The following CHCHD6 variants were observed in gnomAD, a reference collection of about 807,000 sequenced individuals.
CHCHD6 encodes MICOS complex subunit MIC25.
Under a neutral mutation model 32.3 loss-of-function variants are expected in CHCHD6, and 28 were observed. That is an observed-to-expected ratio of 0.87 (90% CI 0.64 to 1.19). CHCHD6 has a LOEUF of 1.19. Among genes scored for constraint, CHCHD6 ranks in the 50% most tolerant of loss-of-function variants. The pLI is 0.00. For synonymous variants in CHCHD6, 122 were observed against 117.5 expected (o/e 1.04, Z -0.25); for missense variants, 333 against 307.0 (o/e 1.08, Z -0.63).
intron 4 of CHCHD6, among the ~76,000 whole-genome samples, chr3:126,796,964 C>G (rs1457189450): frequency 6.6e-6 from 1 of 152,188 alleles, no homozygotes; most frequent in African/African-American, 2.4e-5. Flanking sequence ...TTTAGGAAAG[C>G]TGGCCCACCA....
intron 5 of CHCHD6, among the ~76,000 whole-genome samples, chr3:126,862,219 A>ACCT (rs1265952459): frequency 1.0e-3 from 83 of 82,978 alleles, no homozygotes; most frequent in African/African-American, 1.7e-3. Flanking sequence ...CATCATCACC[A>ACCT]CCTCCTCCTC....
chr3:126,883,234 C>T (rs552840190), intron 5 of CHCHD6, among the ~76,000 whole-genome samples: 17 of 152,250 alleles, frequency 1.1e-4, no homozygotes, highest in Admixed American at 2.0e-4. Flanking sequence ...TGTGTTTCCC[C>T]GAGTTCTGTG....
chr3:126,784,948 T>A (rs1938126181), intron 4 of CHCHD6, among the ~76,000 whole-genome samples: 2 of 152,180 alleles, frequency 1.3e-5, no homozygotes, highest in Non-Finnish European at 2.9e-5. Context: ...AAGTACTTTA[T>A]GTATTTATTT....
rs73199902 is a variant in CHCHD6 at position 126,739,281 on chromosome 3, A to G, written c.411+6059A>G. On this transcript the variant is annotated intron_variant, in intron 4 of 7. Transcript: ENST00000290913. ...GATCAGAGGTTGACAAACATTTTCT[A>G]TAAAGAGCCAGATAGTAAATATTTT... 9.1e-3 allele frequency among the ~76,000 whole-genome samples: 1,392 copies of G among 152,326 alleles called. 11 individuals are homozygous for G. Among genetic ancestry groups the G allele is most frequent in the Middle Eastern group, 0.017 (5 of 294 alleles).
At chr3:126,844,720 G>A (rs765664588) in intron 4 of CHCHD6, among the ~76,000 whole-genome samples, 1 of 152,272 alleles carries the variant, frequency 6.6e-6, no homozygotes, top group Middle Eastern at 3.4e-3. Context: ...GCCTGTGCAT[G>A]TTTTCTCTCA....
chr3:126,853,981 C>T (rs1255095138), intron 5 of CHCHD6, among the ~76,000 whole-genome samples: 2 of 152,206 alleles, frequency 1.3e-5, no homozygotes, highest in African/African-American at 2.4e-5. Flanking sequence ...CTCCTTTGTG[C>T]TCCCCATGTT....
intron 4 of CHCHD6, among the ~76,000 whole-genome samples, chr3:126,735,180 G>A (rs1935989606): frequency 6.6e-6 from 1 of 152,166 alleles, no homozygotes; most frequent in Non-Finnish European, 1.5e-5. Flanking sequence ...TCTAGAGGTG[G>A]AAGATTACAA....
At chr3:126,955,987 C>T (rs1376473803) in intron 6 of CHCHD6, among the ~76,000 whole-genome samples, 6 of 152,312 alleles carry the variant, frequency 3.9e-5, no homozygotes, top group Non-Finnish European at 5.9e-5. Context: ...AGTGTCCACC[C>T]GCAGACTTCC....
chr3:126,913,867 T>C (rs1396214987), intron 5 of CHCHD6, among the ~76,000 whole-genome samples: 1 of 152,210 alleles, frequency 6.6e-6, no homozygotes, highest in African/African-American at 2.4e-5. Context: ...AGCTTGCCTC[T>C]GAGGCACAGC....
intron 5 of CHCHD6, among the ~76,000 whole-genome samples, chr3:126,906,625 G>A (rs1447037486): frequency 6.6e-6 from 1 of 152,164 alleles, no homozygotes; most frequent in African/African-American, 2.4e-5. Context: ...GGGTCGGGGA[G>A]GGATGAGCCT....
intron 4 of CHCHD6, among the ~76,000 whole-genome samples, chr3:126,808,206 T>C (rs1426046688): frequency 6.6e-6 from 1 of 152,192 alleles, no homozygotes; most frequent in Non-Finnish European, 1.5e-5. Flanking sequence ...ATTAAGGGCC[T>C]CTGTTTCTTG....
At chr3:126,767,031 C>T (rs1310213144) in intron 4 of CHCHD6, 1 of 898,960 alleles carries the variant, frequency 1.1e-6, no homozygotes, top group East Asian at 2.4e-5. Flanking sequence ...GGATCTGCCT[C>T]AATGAAGATG....
chr3:126,764,263 C>T (rs187749344), intron 4 of CHCHD6, among the ~76,000 whole-genome samples: 1 of 149,482 alleles, frequency 6.7e-6, no homozygotes, highest in Non-Finnish European at 1.5e-5. Flanking sequence ...CTAAACCAGG[C>T]ACCTTCAACC....
At chr3:126,891,649 T>G (rs1439386440) in intron 5 of CHCHD6, among the ~76,000 whole-genome samples, 1 of 152,170 alleles carries the variant, frequency 6.6e-6, no homozygotes, top group Non-Finnish European at 1.5e-5. Flanking sequence ...GGTGGCTGTT[T>G]AGCCATCCCA....
At chr3:126,793,744 C>T (rs1011597201) in intron 4 of CHCHD6, among the ~76,000 whole-genome samples, 1 of 152,050 alleles carries the variant, frequency 6.6e-6, no homozygotes, top group African/African-American at 2.4e-5. Context: ...AAAATTATTT[C>T]GTTTCTATCT....
intron 4 of CHCHD6, among the ~76,000 whole-genome samples, chr3:126,794,580 G>T (rs1275155600): frequency 3.9e-5 from 6 of 151,914 alleles, no homozygotes; most frequent in Non-Finnish European, 8.8e-5. Flanking sequence ...TTCAGAAAAA[G>T]TTTGAATCTT....
At chr3:126,821,137 A>G (rs950871394) in intron 4 of CHCHD6, among the ~76,000 whole-genome samples, 1 of 152,202 alleles carries the variant, frequency 6.6e-6, no homozygotes, top group African/African-American at 2.4e-5. Flanking sequence ...GTTCATCCAT[A>G]TTGTAGCATG....
intron 5 of CHCHD6, among the ~76,000 whole-genome samples, chr3:126,890,675 C>G (rs904165434): frequency 2.0e-5 from 3 of 152,216 alleles, no homozygotes; most frequent in African/African-American, 7.2e-5. Context: ...AGCCACTGTG[C>G]TAGGTGTTCT....
chr3:126,871,056 C>G (rs898741360), intron 5 of CHCHD6, among the ~76,000 whole-genome samples: 2 of 152,180 alleles, frequency 1.3e-5, no homozygotes, highest in African/African-American at 2.4e-5. Context: ...TTTAGTGTGA[C>G]TGGATGTTCT....
Sources: gnomAD v4.1 joint callset for allele counts (sites outside exome capture counted in the v4.1 genomes callset) on GRCh38, gnomAD v4.1.1 for gene constraint, MANE v1.5 for transcripts, NCBI Gene and HGNC (gene_info 2026-07-23, HGNC 2026-07-21) for gene names.